Variants in SPTAN1 observed in about 807,000 individuals in gnomAD.
The protein encoded by SPTAN1 is spectrin alpha, non-erythrocytic 1.
A neutral mutation model predicts 331.3 loss-of-function variants in SPTAN1; 61 were observed. The ratio of observed to expected loss-of-function variants is 0.18; its 90% CI spans 0.15 to 0.23. The LOEUF (loss-of-function observed/expected upper bound fraction) is 0.23, where lower values mean the gene tolerates loss of function less well. SPTAN1 is among the 10% of genes least tolerant of loss of function. The pLI, the probability that SPTAN1 is intolerant of heterozygous loss-of-function variation, is 1.00. For synonymous variants in SPTAN1, 1,153 were observed against 1,173.9 expected, an observed-to-expected ratio of 0.98 and a Z score of 0.36; for missense variants, 2,043 against 3,147.9, an observed-to-expected ratio of 0.65 and a Z score of 8.40.
intron 49 of SPTAN1, chr9:128,626,955 C>G (rs1428071544): frequency 3.3e-6 from 2 of 614,844 alleles, no homozygotes; most frequent in Non-Finnish European, 3.0e-6. Flanking sequence ...ACTGGGACTA[C>G]AAGCACGTGC....
intron 3 of SPTAN1, among the ~76,000 whole-genome samples, chr9:128,569,946 G>T (rs370508568): frequency 1.3e-5 from 2 of 152,116 alleles, no homozygotes; most frequent in Non-Finnish European, 2.9e-5. Flanking sequence ...TAATAATGAT[G>T]ATTGTAAATA....
chr9:128,612,134 A>C lies in SPTAN1; in HGVS notation c.4931A>C (p.Gln1644Pro). The stretch of plus-strand genomic sequence containing the variant: ...GCCCGCCTGGCTGCCTTAGCTGACC[A>C]GTGGCAGTTCTTGGTGCAAAAGTCA... ...VKARLAALAD[Q>P]WQFLVQKSAE... The change falls in exon 39 of 57, where the codon CAG (glutamine) becomes CCG (proline). Residue 1644 changes from glutamine (Q) to proline (P), a missense_variant. Around this residue, in one of 12 missense-constraint regions of SPTAN1, gnomAD observed 323 missense variants for 581.1 expected, o/e 0.56. Transcript: ENST00000372739. 2 of 1,614,172 alleles carry C rather than the reference A, an allele frequency of 1.2e-6. No individual in the cohort carries two copies. Among genetic ancestry groups the C allele is most frequent in the Non-Finnish European group, 1.7e-6 (2 of 1,180,040 alleles).
At chr9:128,583,468 G>T (rs1275633266) in intron 15 of SPTAN1, among the ~76,000 whole-genome samples, 187 bp downstream of exon 15, 5 of 152,178 alleles carry the variant, frequency 3.3e-5, no homozygotes, top group African/African-American at 4.8e-5. Flanking sequence ...ATGTGGTCGA[G>T]CATACTGGTT....
At chr9:128,611,551 TA>T in intron 37 of SPTAN1, 162 bp from the exon 38 acceptor site, 1 of 809,946 alleles carries the variant, frequency 1.2e-6, no homozygotes, top group Non-Finnish European at 2.0e-6. Context: ...AGATGAACCC[TA>T]AAATATTTCA....
At chr9:128,589,285 CTTTTCTTTTT>C in intron 21 of SPTAN1, among the ~76,000 whole-genome samples, 1 of 132,788 alleles carries the variant, frequency 7.5e-6, no homozygotes, top group African/African-American at 2.7e-5. Flanking sequence ...TTTTCTTTTT[CTTTTCTTTTT>C]TTTTTTTTTT....
At chr9:128,578,019 T>C in intron 8 of SPTAN1, 91 bp from the exon 9 acceptor site, 1 of 1,395,244 alleles carries the variant, frequency 7.2e-7, no homozygotes, top group South Asian at 1.2e-5. Context: ...TGTTAGACAT[T>C]TGAGAACATA....
At chr9:128,605,576 G>A in intron 31 of SPTAN1, 99 bp downstream of exon 31, 4 of 1,460,890 alleles carry the variant, frequency 2.7e-6, no homozygotes, top group Non-Finnish European at 3.7e-6. Context: ...GGGTACAATG[G>A]CTCACACCTA....
chr9:128,589,822 G>T (rs144365799), intron 21 of SPTAN1, among the ~76,000 whole-genome samples: 6 of 147,598 alleles, frequency 4.1e-5, no homozygotes, highest in Non-Finnish European at 9.0e-5. Flanking sequence ...TGATCCACCC[G>T]CCTCAGCCTC....
rs767679923 is a variant in SPTAN1 at position 128,609,188 on chromosome 9, A to G, written c.4662A>G (p.Gln1554=). The stretch of plus-strand genomic sequence containing the variant: ...AGCTAGGAGAATCTCAAACCCTCCA[A>G]CAGTTCAGCCGGGATGTGGATGAGA... ...RSKLGESQTL[Q]QFSRDVDEIE... is the part of the protein sequence containing the mutation. Residue 1554 remains glutamine, a synonymous_variant, in exon 36 of 57, where the codon CAA becomes CAG. Coordinates refer to ENST00000372739, the MANE Select transcript of SPTAN1 (RefSeq NM_001130438.3). 1.5e-5 allele frequency: 24 copies of G among 1,614,140 alleles called. No individual in the cohort carries two copies. The highest frequency in any genetic ancestry group is 2.7e-5 in the African/African-American group (2 of 74,946).
rs145163759 is a variant in SPTAN1 at position 128,630,967 on chromosome 9, C to G, written c.6762+592C>G. Among the ~76,000 whole-genome samples the G allele has an allele frequency of 4.3e-3, 648 of 152,274 alleles. 2 individuals are homozygous for G. The highest frequency in any genetic ancestry group is 7.1e-3 in the South Asian group (34 of 4,822). ...CGGCTGATCTGCCCGCCTCGGCCTC[C>G]CAAAGTGCTGGGATTACAAGCGTGA... On this transcript the variant is annotated intron_variant, in intron 52 of 56. Transcript: ENST00000372739.
At chr9:128,619,143 G>T (rs988080645) in intron 44 of SPTAN1, 140 bp downstream of exon 44, 1 of 1,269,052 alleles carries the variant, frequency 7.9e-7, no homozygotes, top group Admixed American at 2.0e-5. Context: ...TCAGTAGTTG[G>T]TTTTAGCCCT....
chr9:128,598,040 C>G (rs1407755300), intron 24 of SPTAN1, among the ~76,000 whole-genome samples: 1 of 152,104 alleles, frequency 6.6e-6, no homozygotes, highest in Non-Finnish European at 1.5e-5. Flanking sequence ...CCTCTGCCTA[C>G]CGGGTTCAAG....
rs549189455 is a variant in SPTAN1 at position 128,594,897 on chromosome 9, C to T, written c.3414+524C>T. Among the ~76,000 whole-genome samples, 19 of 141,120 alleles carry T rather than the reference C, an allele frequency of 1.3e-4. No individual in the cohort carries two copies. In the South Asian group the frequency reaches 2.3e-3, roughly 17 times the overall value. 92.6% of individuals were successfully genotyped at this position (141,120 alleles called of 152,430 possible). A position where few individuals can be genotyped will look rare whatever the true frequency, so the allele number is the denominator to read the frequency against. ...AGGCTGGAGTGCAATGGTGCGATCT[C>T]GGCTCACTGCAACTCCTCCTCCCAG... On this transcript the variant is annotated intron_variant, in intron 24 of 56. Transcript: ENST00000372739.
intron 22 of SPTAN1, 76 bp downstream of exon 22, chr9:128,591,701 G>A: frequency 1.9e-6 from 3 of 1,595,942 alleles, no homozygotes; most frequent in Non-Finnish European, 2.6e-6. Context: ...CGAAGCTTAG[G>A]CGTGTCCTGA....
At chr9:128,562,176 C>T (rs945597477) in intron 1 of SPTAN1, among the ~76,000 whole-genome samples, 6 of 152,204 alleles carry the variant, frequency 3.9e-5, no homozygotes, top group East Asian at 1.9e-4. Context: ...GATCTGGGCT[C>T]ATCACAACCT....
rs534765749 is a variant in SPTAN1, at chr9:128,599,856, TA to T, written c.3544-217del. 2.7e-3 allele frequency: 1,603 copies of T among 592,904 alleles called. 4 individuals are homozygous for T. Among genetic ancestry groups the T allele is most frequent in the Middle Eastern group, 0.016 (46 of 2,938 alleles). The allele number at this position is 592,904 out of a possible 1,614,324, so 36.7% of individuals were successfully genotyped here. ...TATTCTCTCCATTTCTTCTACTGGA[TA>T]AAAAAATTGGAATTTTTCTCTCCCC... On this transcript the variant is annotated intron_variant, in intron 26 of 56. Transcript: ENST00000372739.
intron 1 of SPTAN1, among the ~76,000 whole-genome samples, chr9:128,554,123 C>T (rs1848409252): frequency 6.6e-6 from 1 of 152,094 alleles, no homozygotes; most frequent in South Asian, 2.1e-4. Flanking sequence ...GGCCTCTGTG[C>T]AGGAAATTAA....
In SPTAN1 at chr9:128,603,576, T is replaced by C. The variant is rs1334812460; in HGVS notation, c.3613T>C (p.Phe1205Leu). Residue 1205 changes from phenylalanine (F) to leucine (L), a missense_variant, in exon 28 of 57, where the codon TTT becomes CTT. This residue lies in a region of SPTAN1 where 1,038 missense variants were observed against 1,531.5 expected (regional missense o/e 0.68). Coordinates refer to ENST00000372739, the MANE Select transcript of SPTAN1 (RefSeq NM_001130438.3). ...ARLMVHTVAT[F>L]NSIKELNERW... ...TCTGATGGTTCACACCGTGGCCACC[T>C]TTAATTCCATCAAGGTAAGAAGCAG... 1.5e-5 allele frequency: 24 copies of C among 1,614,122 alleles called. No individual in the cohort carries two copies. Among genetic ancestry groups the C allele is most frequent in the Non-Finnish European group, 1.8e-5 (21 of 1,180,044 alleles).
intron 43 of SPTAN1, among the ~76,000 whole-genome samples, chr9:128,618,477 T>G (rs1420993172): frequency 6.6e-6 from 1 of 151,602 alleles, no homozygotes; most frequent in African/African-American, 2.4e-5. Context: ...GCTCACCTTT[T>G]TTGTGAATGT....
Sources: allele counts gnomAD v4.1 joint callset (sites outside exome capture counted in the v4.1 genomes callset), GRCh38; gene constraint gnomAD v4.1.1; regional missense constraint gnomAD v4.1.1; transcripts MANE v1.5; gene names NCBI Gene and HGNC (gene_info 2026-07-23, HGNC 2026-07-21).